Variants in ALOX5 observed in about 807,000 individuals in gnomAD.
The protein encoded by ALOX5 is arachidonate 5-lipoxygenase.
A neutral mutation model predicts 87.9 loss-of-function variants in ALOX5; 64 were observed. The ratio of observed to expected loss-of-function variants is 0.73; its 90% CI spans 0.60 to 0.90. ALOX5 has a LOEUF of 0.90. Ranked by LOEUF, ALOX5 falls within the 40% of genes least tolerant of loss-of-function variation. The pLI, the probability that ALOX5 is intolerant of heterozygous loss-of-function variation, is 0.00. For synonymous variants in ALOX5, 388 were observed against 355.1 expected (o/e 1.09, Z -1.04); for missense variants, 822 against 907.5 (o/e 0.91, Z 1.21).
intron 7 of ALOX5, among the ~76,000 whole-genome samples, chr10:45,433,365 T>G (rs1841968960): frequency 6.6e-6 from 1 of 152,192 alleles, no homozygotes; most frequent in Admixed American, 6.5e-5. Flanking sequence ...GTCCTGGGGT[T>G]GAGGCTGTCG....
chr10:45,423,052 C>T (rs1589030819), intron 4 of ALOX5, among the ~76,000 whole-genome samples: 1 of 152,320 alleles, frequency 6.6e-6, no homozygotes, highest in Non-Finnish European at 1.5e-5. Context: ...TAATCACCTC[C>T]CAAAGGCCCC....
chr10:45,387,729 C>A (rs1840056722), intron 2 of ALOX5, among the ~76,000 whole-genome samples: 1 of 152,144 alleles, frequency 6.6e-6, no homozygotes, highest in South Asian at 2.1e-4. Flanking sequence ...AGTGAGTGGG[C>A]AAGAGGATGA....
At chr10:45,428,931 T>A (rs1841825611) in intron 7 of ALOX5, among the ~76,000 whole-genome samples, 167 bp downstream of exon 7, 1 of 151,954 alleles carries the variant, frequency 6.6e-6, no homozygotes, top group African/African-American at 2.4e-5. Flanking sequence ...AGGGTTCTAC[T>A]CCCCAAGGCA....
At chr10:45,387,770 G>T (rs1417476331) in intron 2 of ALOX5, among the ~76,000 whole-genome samples, 1 of 152,208 alleles carries the variant, frequency 6.6e-6, no homozygotes, top group African/African-American at 2.4e-5. Flanking sequence ...TAAAGTGAGT[G>T]GCTAAGAGCA....
intron 6 of ALOX5, among the ~76,000 whole-genome samples, chr10:45,427,528 T>C (rs1841756757): frequency 6.6e-6 from 1 of 152,202 alleles, no homozygotes; most frequent in South Asian, 2.1e-4. Flanking sequence ...GTGGCTTCTG[T>C]CCTGCGTGCC....
rs776174953 is a variant in ALOX5, at chr10:45,445,524, A to T, written c.1862A>T (p.Tyr621Phe). The T allele has an allele frequency of 6.2e-7, 1 of 1,613,880 alleles. No individual in the cohort carries two copies. The highest frequency in any genetic ancestry group is 1.3e-5 in the African/African-American group (1 of 74,906). The change falls in exon 14 of 14, where the codon TAC (tyrosine) becomes TTC (phenylalanine). Residue 621 changes from tyrosine (Y) to phenylalanine (F), a missense_variant. Physicochemically the swap from Tyr to Phe is conservative, Grantham distance 22. Coordinates refer to ENST00000374391, the MANE Select transcript of ALOX5 (RefSeq NM_000698.5). ...FQENELFLGM[Y>F]PEEHFIEKPV... ...GGCCCTCAGCTGTTCCTGGGCATGT[A>T]CCCAGAAGAGCATTTTATCGAGAAG...
chr10:45,395,398 T>C (rs563105429), intron 2 of ALOX5, among the ~76,000 whole-genome samples: 8 of 152,144 alleles, frequency 5.3e-5, no homozygotes, highest in Non-Finnish European at 8.8e-5. Flanking sequence ...TAGGTGGGAA[T>C]TGAACAATGA....
chr10:45,375,225 C>A (rs1302837595), intron 1 of ALOX5, among the ~76,000 whole-genome samples: 1 of 152,162 alleles, frequency 6.6e-6, no homozygotes, highest in Non-Finnish European at 1.5e-5. Context: ...CACTTCCACG[C>A]TAGGTGTGAG....
intron 7 of ALOX5, among the ~76,000 whole-genome samples, chr10:45,437,442 A>G (rs770230009): frequency 1.1e-4 from 17 of 152,168 alleles, no homozygotes; most frequent in Non-Finnish European, 2.1e-4. Context: ...GGAGTAAATT[A>G]TGTGTTAGAA....
chr10:45,404,932 G>T (rs774095056), intron 3 of ALOX5, among the ~76,000 whole-genome samples: 2 of 152,158 alleles, frequency 1.3e-5, no homozygotes, highest in African/African-American at 2.4e-5. Flanking sequence ...TCAACACTTC[G>T]CATCTTCAGA....
At position 45,382,441 on chromosome 10, in the gene ALOX5, C is replaced by G. The variant is rs1839863963; in HGVS notation, c.151-42C>G. The G allele has an allele frequency of 3.7e-6, 6 of 1,609,272 alleles. No individual in the cohort carries two copies. In the South Asian group the frequency reaches 4.4e-5, roughly 12 times the overall value. ...TCTTAACACCTCCAGAACAAAGGCT[C>G]AGGAGACCACGCATGGCCTGATTGC... On this transcript the variant is annotated intron_variant, in intron 1 of 13. Coordinates refer to ENST00000374391, the MANE Select transcript of ALOX5 (RefSeq NM_000698.5).
intron 4 of ALOX5, among the ~76,000 whole-genome samples, chr10:45,421,340 T>A (rs1201020484): frequency 6.6e-6 from 1 of 152,232 alleles, no homozygotes; most frequent in African/African-American, 2.4e-5. Context: ...GACTCACTCC[T>A]GGTTCCTCCA....
intron 7 of ALOX5, among the ~76,000 whole-genome samples, chr10:45,431,385 T>TG (rs1421887744): frequency 1.3e-5 from 2 of 152,072 alleles, no homozygotes; most frequent in Non-Finnish European, 2.9e-5. Flanking sequence ...GGTAATGCTA[T>TG]GGTAGACCTA....
intron 3 of ALOX5, among the ~76,000 whole-genome samples, chr10:45,406,647 T>C (rs1169950208): frequency 6.6e-6 from 1 of 152,232 alleles, no homozygotes; most frequent in Non-Finnish European, 1.5e-5. Flanking sequence ...ATTTTTCTGT[T>C]TGCAAAAATA....
Position 45,382,358 on chromosome 10 carries a change from A to T in ALOX5, c.151-125A>T. The T allele has an allele frequency of 1.7e-5, 16 of 954,982 alleles. No individual in the cohort carries two copies. In the Admixed American group the frequency reaches 1.8e-4, roughly 11 times the overall value. 59.2% of individuals were successfully genotyped at this position (954,982 alleles called of 1,614,324 possible). ...GTATCTTGCACCTGCTGTTTTTTTA[A>T]GTGCTTTTCATTCAACGTAGTCCCT... is the stretch of plus-strand genomic sequence containing the variant. On this transcript the variant is annotated intron_variant, in intron 1 of 13. Coordinates refer to ENST00000374391, the MANE Select transcript of ALOX5 (RefSeq NM_000698.5).
intron 2 of ALOX5, among the ~76,000 whole-genome samples, chr10:45,391,025 C>G: frequency 9.1e-6 from 1 of 109,654 alleles, no homozygotes; most frequent in African/African-American, 3.7e-5. Context: ...TCCCATCTCC[C>G]CTCTCCCCTC....
intron 4 of ALOX5, among the ~76,000 whole-genome samples, chr10:45,418,700 G>A (rs1017297373): frequency 6.6e-6 from 1 of 152,202 alleles, no homozygotes; most frequent in Non-Finnish European, 1.5e-5. Context: ...AGCGGAGAGA[G>A]ACTGTGGGCA....
At chr10:45,441,296 G>T in intron 8 of ALOX5, 48 bp from the exon 9 acceptor site, 1 of 1,562,276 alleles carries the variant, frequency 6.4e-7, no homozygotes, top group Non-Finnish European at 8.8e-7. Flanking sequence ...GAGGCACCAG[G>T]TCACCTGACT....
At chr10:45,388,126 C>G (rs1221624770) in intron 2 of ALOX5, among the ~76,000 whole-genome samples, 1 of 152,236 alleles carries the variant, frequency 6.6e-6, no homozygotes, top group Non-Finnish European at 1.5e-5. Context: ...AAACAGCATA[C>G]CAGGAGATTA....
Sources: allele counts gnomAD v4.1 joint callset (sites outside exome capture counted in the v4.1 genomes callset), GRCh38; gene constraint gnomAD v4.1.1; transcripts MANE v1.5; gene names NCBI Gene and HGNC (gene_info 2026-07-23, HGNC 2026-07-21).